GALNT17: variants seen among roughly 807,000 people sequenced by gnomAD.
The protein encoded by GALNT17 is polypeptide N-acetylgalactosaminyltransferase 17.
Under a neutral mutation model 63.7 loss-of-function variants are expected in GALNT17, and 29 were observed. That is an observed-to-expected ratio of 0.46 (90% CI 0.34 to 0.62). The LOEUF is 0.62. Ranked by LOEUF, GALNT17 falls within the 20% of genes least tolerant of loss-of-function variation. GALNT17 has a pLI of 0.01. For synonymous variants in GALNT17, 305 were observed against 318.3 expected (o/e 0.96, Z 0.45); for missense variants, 603 against 799.6 (o/e 0.75, Z 2.97).
chr7:71,321,865 C>T (rs954559017), intron 1 of GALNT17, among the ~76,000 whole-genome samples: 1 of 125,900 alleles, frequency 7.9e-6, no homozygotes, highest in Non-Finnish European at 1.6e-5. Context: ...TTCCTTCCTT[C>T]CTTTCCTTCC....
At chr7:71,569,250 G>A (rs1161792421) in intron 5 of GALNT17, among the ~76,000 whole-genome samples, 4 of 152,134 alleles carry the variant, frequency 2.6e-5, no homozygotes, top group African/African-American at 9.7e-5. Flanking sequence ...GATTACAGGC[G>A]TGAGTCATCG....
chr7:71,240,751 G>GC (rs1191147751), intron 1 of GALNT17, among the ~76,000 whole-genome samples: 1 of 150,432 alleles, frequency 6.6e-6, no homozygotes, highest in African/African-American at 2.5e-5. Flanking sequence ...TGCAGGCTCC[G>GC]CCCCCCGGGT....
intron 6 of GALNT17, among the ~76,000 whole-genome samples, chr7:71,595,468 C>A (rs1054605319): frequency 6.6e-6 from 1 of 151,610 alleles, no homozygotes; most frequent in Non-Finnish European, 1.5e-5. Flanking sequence ...GTAAAAAAAT[C>A]CAGGATGAAT....
chr7:71,598,852 T>A (rs1410878741), intron 6 of GALNT17, among the ~76,000 whole-genome samples: 1 of 142,708 alleles, frequency 7.0e-6, no homozygotes, highest in African/African-American at 2.6e-5. Flanking sequence ...CTGAGTGCTA[T>A]GAGAAAGAAC....
chr7:71,699,659 C>A (rs1292366658), intron 9 of GALNT17, among the ~76,000 whole-genome samples: 1 of 152,104 alleles, frequency 6.6e-6, no homozygotes, highest in Non-Finnish European at 1.5e-5. Context: ...GCGGCCTGGA[C>A]ACAGTGGCTC....
chr7:71,394,749 T>C (rs2116365085), intron 3 of GALNT17, among the ~76,000 whole-genome samples: 1 of 152,276 alleles, frequency 6.6e-6, no homozygotes, highest in East Asian at 1.9e-4. Context: ...TGCATAGCCA[T>C]TCTTTATTTT....
intron 5 of GALNT17, among the ~76,000 whole-genome samples, chr7:71,496,093 G>A (rs979055360): frequency 3.3e-5 from 5 of 152,282 alleles, no homozygotes; most frequent in Admixed American, 6.5e-5. Flanking sequence ...TGCTCTTTTC[G>A]TCCTACAGAT....
intron 5 of GALNT17, among the ~76,000 whole-genome samples, chr7:71,449,186 C>T (rs1333848147): frequency 8.2e-6 from 1 of 122,048 alleles, no homozygotes; most frequent in Non-Finnish European, 1.6e-5. Flanking sequence ...GATCTTGGCT[C>T]ACTGCAGCCC....
At position 71,544,124 on chromosome 7, in the gene GALNT17, CTTTTTTTTTTTTT is replaced by C. The variant is rs60144462; in HGVS notation, c.963-27150_963-27138del. Reference sequence around the variant, plus strand: ...CTCTTTGAGGCTTGATTTCTTTTTTCTTTTTTTTTTTTTTTTTTTTTTTGAGATGGAGTCTCGC... The same window carrying C: ...CTCTTTGAGGCTTGATTTCTTTTTTCTTTTTTTTTTGAGATGGAGTCTCGC... On this transcript the variant is annotated intron_variant, in intron 5 of 10. Coordinates refer to ENST00000333538, the MANE Select transcript of GALNT17 (RefSeq NM_022479.3). Among the ~76,000 whole-genome samples the C allele has an allele frequency of 3.8e-5, 5 of 132,448 alleles. 1 individual carries two copies. In the East Asian group the frequency reaches 1.2e-3, roughly 32 times the overall value. The allele number at this position is 132,448 out of a possible 152,430, so 86.9% of individuals were successfully genotyped here.
chr7:71,408,829 C>T (rs1354360594), intron 3 of GALNT17, among the ~76,000 whole-genome samples: 2 of 152,012 alleles, frequency 1.3e-5, no homozygotes, highest in African/African-American at 4.8e-5. Context: ...GCCGTGATTG[C>T]ACCACTTCAC....
intron 2 of GALNT17, among the ~76,000 whole-genome samples, chr7:71,377,364 A>G (rs1339472858): frequency 6.6e-6 from 1 of 152,004 alleles, no homozygotes; most frequent in African/African-American, 2.4e-5. Flanking sequence ...AGAATATTCC[A>G]AAATAAATAT....
At chr7:71,677,128 C>A in intron 8 of GALNT17, 83 bp from the exon 9 acceptor site, 3 of 1,451,464 alleles carry the variant, frequency 2.1e-6, no homozygotes, top group Non-Finnish European at 2.9e-6. Context: ...GAAGTTGGAA[C>A]CAAGCCATGG....
intron 6 of GALNT17, among the ~76,000 whole-genome samples, chr7:71,582,702 G>A (rs1789654575): frequency 1.3e-5 from 2 of 152,208 alleles, no homozygotes; most frequent in South Asian, 4.1e-4. Context: ...TATTCTAAGT[G>A]AAGTAACTCA....
rs534489720 is a variant in GALNT17 at position 71,593,412 on chromosome 7, C to T, written c.1080+22010C>T. On this transcript the variant is annotated intron_variant, in intron 6 of 10. Transcript: ENST00000333538. ...TCTCGAATAGCTGGGATTACAGGTG[C>T]GTGCCACGACACCCAGCTAATTTTT... Among the ~76,000 whole-genome samples, 6 of 151,868 alleles carry T rather than the reference C, an allele frequency of 4.0e-5. No homozygotes were observed. The South Asian group carries it at 8.3e-4, about 21-fold the overall frequency.
intron 5 of GALNT17, among the ~76,000 whole-genome samples, chr7:71,435,102 G>A (rs1375068501): frequency 3.3e-5 from 5 of 152,126 alleles, no homozygotes; most frequent in African/African-American, 4.8e-5. Context: ...TGAAGTGGGA[G>A]GATTGTTGAG....
intron 1 of GALNT17, among the ~76,000 whole-genome samples, chr7:71,294,684 G>A (rs778589079): frequency 3.9e-5 from 6 of 151,952 alleles, no homozygotes; most frequent in Non-Finnish European, 8.8e-5. Flanking sequence ...CAAACTGCTG[G>A]GATTACAGGT....
intron 1 of GALNT17, among the ~76,000 whole-genome samples, chr7:71,177,701 T>C (rs1788664180): frequency 6.6e-6 from 1 of 152,196 alleles, no homozygotes; most frequent in African/African-American, 2.4e-5. Flanking sequence ...AGTTGTTTTT[T>C]TAAAATTAAT....
At chr7:71,693,222 A>G (rs1791483259) in intron 9 of GALNT17, among the ~76,000 whole-genome samples, 1 of 148,208 alleles carries the variant, frequency 6.7e-6, no homozygotes. Context: ...TATCTACAAT[A>G]CATGTATACA....
intron 3 of GALNT17, among the ~76,000 whole-genome samples, chr7:71,389,987 G>A (rs962910931): frequency 6.6e-6 from 1 of 152,178 alleles, no homozygotes; most frequent in Non-Finnish European, 1.5e-5. Context: ...CAATGGGGGT[G>A]GGTGCTGCTG....
Sources: allele counts gnomAD v4.1 joint callset (sites outside exome capture counted in the v4.1 genomes callset), GRCh38; gene constraint gnomAD v4.1.1; transcripts MANE v1.5; gene names NCBI Gene and HGNC (gene_info 2026-07-23, HGNC 2026-07-21).